DCLK1: variants seen among roughly 807,000 people sequenced by gnomAD.
DCLK1 encodes the protein doublecortin like kinase 1, also known as serine/threonine-protein kinase DCLK1.
In DCLK1, 16 loss-of-function variants were observed where a neutral mutation model predicts 86.2. The observed-to-expected ratio is 0.19, with a 90% CI of 0.13 to 0.28. The LOEUF is 0.28. Ranked by LOEUF, DCLK1 falls within the 10% of genes least tolerant of loss-of-function variation. The pLI is 1.00. For missense variants in DCLK1, 590 were observed against 940.2 expected, an observed-to-expected ratio of 0.63 and a Z score of 4.87; for synonymous variants, 369 against 370.5, an observed-to-expected ratio of 1.00 and a Z score of 0.05.
Position 35,836,524 on chromosome 13 carries a change from C to T in DCLK1, c.1121-383G>A, listed in dbSNP as rs773815962. 3.3e-5 allele frequency among the ~76,000 whole-genome samples: 5 copies of T among 152,258 alleles called. No individual in the cohort carries two copies. In the South Asian group the frequency reaches 8.3e-4, roughly 25 times the overall value. On this transcript the variant is annotated intron_variant, in intron 7 of 16. Coordinates refer to ENST00000360631, the MANE Select transcript of DCLK1 (RefSeq NM_001330071.2). ...TCCCATGTATGGCGCAGGAGGCAACCGCAGTTCGCAAGGGACTCTGGGCTG... is the reference window on the plus strand; with the variant it reads ...TCCCATGTATGGCGCAGGAGGCAACTGCAGTTCGCAAGGGACTCTGGGCTG...
At chr13:35,893,842 G>T (rs906005349) in intron 4 of DCLK1, among the ~76,000 whole-genome samples, 9 of 152,152 alleles carry the variant, frequency 5.9e-5, no homozygotes, top group Non-Finnish European at 1.0e-4. Context: ...GTGAATAAGT[G>T]CAGGAAAATG....
intron 3 of DCLK1, among the ~76,000 whole-genome samples, chr13:35,990,156 T>C (rs1396026241): frequency 2.0e-5 from 3 of 152,188 alleles, no homozygotes; most frequent in African/African-American, 7.2e-5. Flanking sequence ...ATTTAAACCA[T>C]GTGTTAATTG....
At chr13:35,994,454 G>T (rs866487236) in intron 3 of DCLK1, among the ~76,000 whole-genome samples, 3 of 152,226 alleles carry the variant, frequency 2.0e-5, no homozygotes, top group Non-Finnish European at 2.9e-5. Flanking sequence ...CATATTCTTA[G>T]CTAATAAAAC....
intron 3 of DCLK1, among the ~76,000 whole-genome samples, chr13:36,108,667 G>A (rs1025270989): frequency 2.6e-5 from 4 of 152,096 alleles, no homozygotes; most frequent in Admixed American, 6.6e-5. Context: ...TCCTCTCTAC[G>A]CATTTACTCA....
At chr13:35,887,746 C>G (rs1033852302) in intron 4 of DCLK1, among the ~76,000 whole-genome samples, 2 of 151,638 alleles carry the variant, frequency 1.3e-5, no homozygotes, top group Admixed American at 1.3e-4. Context: ...CAGAGTTATA[C>G]CAATAAAAAT....
intron 3 of DCLK1, among the ~76,000 whole-genome samples, chr13:36,109,914 T>A (rs1331955776): frequency 1.3e-5 from 2 of 152,232 alleles, no homozygotes; most frequent in Non-Finnish European, 2.9e-5. Context: ...TGTAGGGATT[T>A]ATTCCTGAAA....
intron 3 of DCLK1, among the ~76,000 whole-genome samples, chr13:36,021,073 T>G (rs569305179): frequency 6.6e-6 from 1 of 152,044 alleles, no homozygotes; most frequent in Non-Finnish European, 1.5e-5. Flanking sequence ...ACCGCCTTCA[T>G]GTATAAAGGT....
intron 6 of DCLK1, chr13:35,850,318 G>A (rs1356707776): frequency 5.4e-5 from 53 of 986,106 alleles, no homozygotes; most frequent in Non-Finnish European, 6.4e-5. Context: ...TTTACAGAAA[G>A]TACAGAAAAA....
At chr13:35,784,083 T>C (rs531352579) in intron 16 of DCLK1, among the ~76,000 whole-genome samples, 203 of 152,324 alleles carry the variant, frequency 1.3e-3, no homozygotes, top group African/African-American at 4.1e-3. Context: ...CTAAGGAGCA[T>C]TCACAAAGTA....
chr13:35,958,727 T>C (rs1878285652), intron 3 of DCLK1, among the ~76,000 whole-genome samples: 1 of 152,254 alleles, frequency 6.6e-6, no homozygotes. Context: ...TGATATTCAG[T>C]ACAAATGCAA....
chr13:35,910,320 C>T (rs548416599), intron 4 of DCLK1, among the ~76,000 whole-genome samples: 3 of 152,262 alleles, frequency 2.0e-5, no homozygotes, highest in Non-Finnish European at 4.4e-5. Flanking sequence ...TGATCTGCCT[C>T]TACAGGAGAT....
intron 3 of DCLK1, among the ~76,000 whole-genome samples, chr13:36,047,058 T>C (rs1882940836): frequency 6.6e-6 from 1 of 152,108 alleles, no homozygotes; most frequent in Non-Finnish European, 1.5e-5. Context: ...GACATACAAA[T>C]GGCCAACAGG....
At chr13:35,863,441 A>G (rs1871544203) in intron 5 of DCLK1, among the ~76,000 whole-genome samples, 1 of 152,226 alleles carries the variant, frequency 6.6e-6, no homozygotes, top group South Asian at 2.1e-4. Context: ...CCCCAAGTAG[A>G]CAGTAAGTCA....
chr13:36,042,517 T>G (rs1252152801), intron 3 of DCLK1, among the ~76,000 whole-genome samples: 1 of 152,168 alleles, frequency 6.6e-6, no homozygotes, highest in Non-Finnish European at 1.5e-5. Context: ...AGCTGTCAAT[T>G]AAGGTAAGTC....
chr13:35,818,192 A>T (rs973096045), intron 11 of DCLK1, among the ~76,000 whole-genome samples: 7 of 152,010 alleles, frequency 4.6e-5, no homozygotes, highest in African/African-American at 1.7e-4. Context: ...CTCTAGACCC[A>T]TTCTCTCTGT....
At chr13:36,057,283 T>G (rs1475199574) in intron 3 of DCLK1, among the ~76,000 whole-genome samples, 1 of 152,070 alleles carries the variant, frequency 6.6e-6, no homozygotes, top group East Asian at 1.9e-4. Flanking sequence ...TTCCTTCCCT[T>G]CAAAATGATT....
intron 10 of DCLK1, among the ~76,000 whole-genome samples, chr13:35,826,915 T>C (rs1868519702): frequency 6.6e-6 from 1 of 152,106 alleles, no homozygotes; most frequent in Admixed American, 6.5e-5. Flanking sequence ...TTCAGTTTGA[T>C]GAATATACTA....
At position 35,827,814 on chromosome 13, in the gene DCLK1, A is replaced by G. The variant is rs566560530; in HGVS notation, c.1288-60T>C. On this transcript the variant is annotated intron_variant, in intron 9 of 16. Coordinates refer to ENST00000360631, the MANE Select transcript of DCLK1 (RefSeq NM_001330071.2). ...ATAAAACATGTGGAGGGCTAACTCA[A>G]ATGAGTACAACTATACTATGTAAGG... is the stretch of plus-strand genomic sequence containing the variant. 10 of 1,594,718 alleles carry G rather than the reference A, an allele frequency of 6.3e-6. No individual in the cohort carries two copies. The African/African-American group carries it at 1.3e-4, about 21-fold the overall frequency.
chr13:35,987,633 A>C (rs1382325947), intron 3 of DCLK1, among the ~76,000 whole-genome samples: 1 of 152,112 alleles, frequency 6.6e-6, no homozygotes, highest in Non-Finnish European at 1.5e-5. Context: ...AAAAAAATAA[A>C]ATAAAATGAC....
Sources: gnomAD v4.1 joint callset for allele counts (sites outside exome capture counted in the v4.1 genomes callset) on GRCh38, gnomAD v4.1.1 for gene constraint, MANE v1.5 for transcripts, NCBI Gene and HGNC (gene_info 2026-07-23, HGNC 2026-07-21) for gene names.